The following ADGRL3 variants were observed in gnomAD, a reference collection of about 807,000 sequenced individuals.
The protein encoded by ADGRL3 is calcium-independent alpha-latrotoxin receptor 3.
ADGRL3 carries 62 observed loss-of-function variants against 153.5 expected under a neutral mutation model. The ratio of observed to expected loss-of-function variants is 0.40; its 90% CI spans 0.33 to 0.50. The LOEUF (loss-of-function observed/expected upper bound fraction) is 0.50. ADGRL3 is among the 20% of genes least tolerant of loss of function. The pLI is 0.47. For synonymous variants in ADGRL3, 710 were observed against 672.5 expected, an observed-to-expected ratio of 1.06 and a Z score of -0.86; for missense variants, 1,641 against 1,859.4, an observed-to-expected ratio of 0.88 and a Z score of 2.16.
intron 1 of ADGRL3, among the ~76,000 whole-genome samples, chr4:61,258,583 C>T (rs950887838): frequency 1.9e-4 from 29 of 152,162 alleles, no homozygotes; most frequent in African/African-American, 6.8e-4. Flanking sequence ...GTTTTAGGCA[C>T]ATACGAAGTT....
intron 6 of ADGRL3, among the ~76,000 whole-genome samples, chr4:61,705,741 C>T (rs983412742): frequency 2.0e-4 from 30 of 152,080 alleles, no homozygotes; most frequent in African/African-American, 6.3e-4. Context: ...TTAGGCAATC[C>T]GCGCTCCCTC....
At chr4:61,850,903 A>G (rs925411060) in intron 9 of ADGRL3, among the ~76,000 whole-genome samples, 1 of 152,186 alleles carries the variant, frequency 6.6e-6, no homozygotes, top group Non-Finnish European at 1.5e-5. Flanking sequence ...TTTTACAATA[A>G]TACTGCTGTT....
chr4:61,651,888 T>C (rs1459014800), intron 5 of ADGRL3, among the ~76,000 whole-genome samples: 2 of 151,844 alleles, frequency 1.3e-5, no homozygotes, highest in Non-Finnish European at 2.9e-5. Context: ...GTGCTGGGAT[T>C]ACAGGAGGGA....
chr4:61,582,194 T>A lies in ADGRL3; in HGVS notation c.260-5033T>A, dbSNP rs970841739. Among the ~76,000 whole-genome samples, 54 of 152,230 alleles carry A rather than the reference T, an allele frequency of 3.5e-4. 1 individual carries two copies. Among genetic ancestry groups the A allele is most frequent in the African/African-American group, 9.4e-4 (39 of 41,570 alleles). ...TTATTTTTTTCTTTTAATTTAATTT[T>A]ATTTTAAATTCTGGGATACATGTGC... On this transcript the variant is annotated intron_variant, in intron 4 of 26. Coordinates refer to ENST00000683033, the MANE Select transcript of ADGRL3 (RefSeq NM_001387552.1).
At chr4:61,501,503 A>C (rs1296461073) in intron 3 of ADGRL3, among the ~76,000 whole-genome samples, 1 of 152,182 alleles carries the variant, frequency 6.6e-6, no homozygotes, top group Non-Finnish European at 1.5e-5. Flanking sequence ...TGAGAATGGA[A>C]AGAAATCTTT....
chr4:61,830,341 G>T (rs2097855323), intron 9 of ADGRL3, among the ~76,000 whole-genome samples: 1 of 152,084 alleles, frequency 6.6e-6, no homozygotes, highest in Non-Finnish European at 1.5e-5. Context: ...TCCAGCCTGG[G>T]CAACAGAGTG....
At chr4:61,882,751 T>C (rs2098515892) in intron 9 of ADGRL3, among the ~76,000 whole-genome samples, 2 of 152,170 alleles carry the variant, frequency 1.3e-5, no homozygotes, top group African/African-American at 4.8e-5. Context: ...ACTCCCTCAC[T>C]TTGCCTCTTT....
At chr4:61,868,229 A>G (rs139393565) in intron 9 of ADGRL3, among the ~76,000 whole-genome samples, 1 of 152,312 alleles carries the variant, frequency 6.6e-6, no homozygotes, top group African/African-American at 2.4e-5. Context: ...TAATTCAGTG[A>G]TTGAGACTTT....
chr4:61,818,131 C>A (rs1283277246), intron 9 of ADGRL3, among the ~76,000 whole-genome samples: 1 of 152,134 alleles, frequency 6.6e-6, no homozygotes, highest in Non-Finnish European at 1.5e-5. Flanking sequence ...TCCCTTCTGC[C>A]TATGAGCCTG....
chr4:61,272,216 A>G (rs895132234), intron 1 of ADGRL3, among the ~76,000 whole-genome samples: 3 of 152,026 alleles, frequency 2.0e-5, no homozygotes, highest in Non-Finnish European at 4.4e-5. Context: ...TACAGAGTTT[A>G]CAAAAAATGG....
At chr4:61,532,160 A>G (rs536209861) in intron 4 of ADGRL3, among the ~76,000 whole-genome samples, 1 of 152,318 alleles carries the variant, frequency 6.6e-6, no homozygotes, top group South Asian at 2.1e-4. Context: ...ACCAGTTTAT[A>G]CTGCATGTGA....
At chr4:61,735,883 G>C (rs2096502901) in intron 8 of ADGRL3, among the ~76,000 whole-genome samples, 3 of 152,004 alleles carry the variant, frequency 2.0e-5, no homozygotes, top group Non-Finnish European at 2.9e-5. Context: ...TAACGAATAA[G>C]ATGGTACCAA....
intron 5 of ADGRL3, among the ~76,000 whole-genome samples, chr4:61,658,535 G>A (rs147468601): frequency 6.6e-6 from 1 of 152,206 alleles, no homozygotes; most frequent in Non-Finnish European, 1.5e-5. Flanking sequence ...ATATTGCATA[G>A]TGTTGGACAC....
intron 8 of ADGRL3, among the ~76,000 whole-genome samples, chr4:61,753,738 A>T (rs1364840952): frequency 6.6e-6 from 1 of 152,228 alleles, no homozygotes; most frequent in African/African-American, 2.4e-5. Context: ...TTCCAATTCT[A>T]TCAAAGTAAG....
At chr4:61,574,993 T>C (rs1205307023) in intron 4 of ADGRL3, among the ~76,000 whole-genome samples, 2 of 151,890 alleles carry the variant, frequency 1.3e-5, no homozygotes, top group Non-Finnish European at 2.9e-5. Context: ...TTTACATCAA[T>C]TGAATTAAAG....
intron 1 of ADGRL3, among the ~76,000 whole-genome samples, chr4:61,226,108 C>T (rs1747847112): frequency 6.6e-6 from 1 of 152,060 alleles, no homozygotes; most frequent in African/African-American, 2.4e-5. Flanking sequence ...CTTTGCCCAA[C>T]TTAAATTTAA....
rs894728852 is a variant in ADGRL3 at position 61,202,480 on chromosome 4, G to T, written c.-240+715G>T. Among the ~76,000 whole-genome samples, 1 of 152,154 alleles carries T rather than the reference G, an allele frequency of 6.6e-6. No individual in the cohort carries two copies. Among genetic ancestry groups the T allele is most frequent in the Non-Finnish European group, 1.5e-5 (1 of 68,028 alleles). On this transcript the variant is annotated intron_variant, in intron 1 of 26. Transcript: ENST00000683033. This position sits in a 1 kb window ranked among gnomAD's most constrained non-coding sequence, Gnocchi z 5.0. ...AGCTGCCACTTTCGTGGGTGGCCCG[G>T]GCTGCGCTGTGCTGGTAGTGGGCAC...
At chr4:61,770,865 A>G (rs962891750) in intron 8 of ADGRL3, among the ~76,000 whole-genome samples, 3 of 152,220 alleles carry the variant, frequency 2.0e-5, no homozygotes, top group African/African-American at 7.2e-5. Context: ...ATAAATTGTT[A>G]CACAAAGCCT....
Position 61,501,354 on chromosome 4 carries a change from G to A in ADGRL3, c.55+4006G>A, listed in dbSNP as rs141810537. ...GAGCTATTTTAAGAAATGAATGCAAGGATGTATAACTTCTAACATGGTGCT... is the reference window on the plus strand; with the variant it reads ...GAGCTATTTTAAGAAATGAATGCAAAGATGTATAACTTCTAACATGGTGCT... On this transcript the variant is annotated intron_variant, in intron 3 of 26. Transcript: ENST00000683033. 3.3e-3 allele frequency among the ~76,000 whole-genome samples: 507 copies of A among 152,214 alleles called. 5 individuals carry two copies. Among genetic ancestry groups the A allele is most frequent in the African/African-American group, 0.011 (446 of 41,546 alleles).
Sources: allele counts gnomAD v4.1 joint callset (sites outside exome capture counted in the v4.1 genomes callset), GRCh38; gene constraint gnomAD v4.1.1; non-coding constraint Gnocchi (gnomAD v3.1); transcripts MANE v1.5; gene names NCBI Gene and HGNC (gene_info 2026-07-23, HGNC 2026-07-21).